NLGN4Y: variants seen among roughly 807,000 people sequenced by gnomAD.
The protein encoded by NLGN4Y is neuroligin-4, Y-linked.
NLGN4Y carries 4 observed loss-of-function variants against 8.4 expected under a neutral mutation model. The observed-to-expected ratio is 0.48, with a 90% CI of 0.23 to 1.09. NLGN4Y has a LOEUF of 1.09. Ranked by LOEUF, NLGN4Y falls within the 50% of genes least tolerant of loss-of-function variation. NLGN4Y has a pLI of 0.19. For synonymous variants in NLGN4Y, 35 were observed against 75.6 expected (o/e 0.46, Z 2.78); for missense variants, 90 against 192.3 (o/e 0.47, Z 3.15).
At chrY:14,761,423 G>A in intron 4 of NLGN4Y, among the ~76,000 whole-genome samples, 1 of 33,901 alleles carries the variant, frequency 2.9e-5, no homozygotes, top group Admixed American at 2.7e-4. Flanking sequence ...TACTGCAAGA[G>A]CAATGCACTA....
In NLGN4Y at chrY:14,586,133, C is replaced by A. The variant is rs2080339450; in HGVS notation, c.-111-35876C>A. Among the ~76,000 whole-genome samples the A allele has an allele frequency of 9.1e-5, 3 of 33,028 alleles. No homozygotes were observed. In the East Asian group the frequency reaches 2.4e-3, roughly 26 times the overall value. The allele number at this position is 33,028 out of a possible 37,273, so 88.6% of individuals were successfully genotyped here. ...GTGGGTGGAAATGATAATGTTCAAGCCTGAAGATGAAGTTTGCCTTTTCTC... is the reference window on the plus strand; with the variant it reads ...GTGGGTGGAAATGATAATGTTCAAGACTGAAGATGAAGTTTGCCTTTTCTC... On this transcript the variant is annotated intron_variant, in intron 1 of 6. Transcript: ENST00000684976.
At chrY:14,696,820 A>G (rs1046915730) in intron 2 of NLGN4Y, among the ~76,000 whole-genome samples, 2 of 32,815 alleles carry the variant, frequency 6.1e-5, no homozygotes, top group African/African-American at 2.4e-4. Flanking sequence ...GCATGTATAC[A>G]TAGGAGAAAA....
In NLGN4Y at chrY:14,664,708, T is replaced by C. The variant is rs776048353; in HGVS notation, c.472+42117T>C. ...ATCCTTTGCCTCATCTGTTAAATTA[T>C]AAACTAATGCTGATGTGTACAATTC... is the stretch of plus-strand genomic sequence containing the variant. On this transcript the variant is annotated intron_variant, in intron 2 of 6. Transcript: ENST00000684976. Among the ~76,000 whole-genome samples the C allele has an allele frequency of 1.2e-3, 41 of 34,036 alleles. No individual in the cohort carries two copies. The East Asian group carries it at 0.031, about 25-fold the overall frequency. The allele number at this position is 34,036 out of a possible 37,273, so 91.3% of individuals were successfully genotyped here. A position where few individuals can be genotyped will look rare whatever the true frequency, so the allele number is the denominator to read the frequency against.
At chrY:14,576,719 A>AC in intron 1 of NLGN4Y, among the ~76,000 whole-genome samples, 1 of 32,792 alleles carries the variant, frequency 3.0e-5, no homozygotes, top group Non-Finnish European at 7.5e-5. Flanking sequence ...TCTTGGCTCC[A>AC]CCCCCCATGA....
At chrY:14,725,965 C>T (rs978520441) in intron 4 of NLGN4Y, among the ~76,000 whole-genome samples, 4 of 33,347 alleles carry the variant, frequency 1.2e-4, no homozygotes, top group Non-Finnish European at 2.2e-4. Flanking sequence ...GTGTCTGATT[C>T]ACAGATGCTG....
chrY:14,820,794 G>A lies in NLGN4Y; in HGVS notation c.686-3394G>A. Among the ~76,000 whole-genome samples the A allele has an allele frequency of 3.6e-4, 12 of 33,349 alleles. No homozygotes were observed. In the South Asian group the frequency reaches 7.6e-3, roughly 21 times the overall value. 89.5% of individuals were successfully genotyped at this position (33,349 alleles called of 37,273 possible). On this transcript the variant is annotated intron_variant, in intron 4 of 6. Transcript: ENST00000684976. ...TAGATAGGATAGATGGGCGAGTCTCGCTTGTGCAACATAACTTTGAAAGTT... is the reference window on the plus strand; with the variant it reads ...TAGATAGGATAGATGGGCGAGTCTCACTTGTGCAACATAACTTTGAAAGTT...
intron 4 of NLGN4Y, among the ~76,000 whole-genome samples, chrY:14,804,993 A>G (rs2043051832): frequency 6.0e-5 from 2 of 33,512 alleles, no homozygotes; most frequent in African/African-American, 2.3e-4. Flanking sequence ...CTAAAAGGCC[A>G]TGGACCAGGC....
At chrY:14,706,420 CTTGT>C (rs2080877935) in intron 2 of NLGN4Y, among the ~76,000 whole-genome samples, 1 of 31,937 alleles carries the variant, frequency 3.1e-5, no homozygotes, top group Non-Finnish European at 7.6e-5. Flanking sequence ...TGTTTGTTTG[CTTGT>C]TTGTTTTGAG....
chrY:14,819,652 C>A, intron 4 of NLGN4Y, among the ~76,000 whole-genome samples: 1 of 32,910 alleles, frequency 3.0e-5, no homozygotes, highest in African/African-American at 1.2e-4. Context: ...GGAAAGGGAG[C>A]TGTATAGATG....
At chrY:14,637,860 TTG>T (rs372147890) in intron 2 of NLGN4Y, among the ~76,000 whole-genome samples, 6 of 26,525 alleles carry the variant, frequency 2.3e-4, no homozygotes, top group East Asian at 9.3e-4. Context: ...TTTTTTTTTT[TTG>T]TGTGTGTGTG....
chrY:14,656,334 A>G (rs1424750098), intron 2 of NLGN4Y, among the ~76,000 whole-genome samples: 4 of 32,347 alleles, frequency 1.2e-4, no homozygotes, highest in Admixed American at 2.9e-4. Flanking sequence ...ACGCTTCTAA[A>G]CCCAGCACTT....
intron 1 of NLGN4Y, among the ~76,000 whole-genome samples, chrY:14,547,527 G>A (rs2080177030): frequency 3.0e-5 from 1 of 33,688 alleles, no homozygotes; most frequent in Non-Finnish European, 7.3e-5. Context: ...ATAGAATTTT[G>A]TCATAAGGAC....
At chrY:14,707,091 G>GTATATA (rs1460684278) in intron 2 of NLGN4Y, among the ~76,000 whole-genome samples, 17 of 3,886 alleles carry the variant, frequency 4.4e-3, no homozygotes, top group Non-Finnish European at 6.1e-3. Context: ...AATTTTATGT[G>GTATATA]TATATATATA....
chrY:14,560,200 A>G (rs751316102), intron 1 of NLGN4Y, among the ~76,000 whole-genome samples: 5 of 33,274 alleles, frequency 1.5e-4, no homozygotes, highest in African/African-American at 5.8e-4. Context: ...CTCTTATGGA[A>G]TGTCATTGTG....
chrY:14,697,936 T>C, intron 2 of NLGN4Y, among the ~76,000 whole-genome samples: 1 of 32,963 alleles, frequency 3.0e-5, no homozygotes, highest in African/African-American at 1.2e-4. Flanking sequence ...CTCAGTGCTA[T>C]CATTTTACAG....
intron 1 of NLGN4Y, among the ~76,000 whole-genome samples, chrY:14,531,928 G>T (rs2080116523): frequency 3.1e-5 from 1 of 31,803 alleles, no homozygotes; most frequent in Non-Finnish European, 7.6e-5. Flanking sequence ...TGTTATAGGT[G>T]GTGAGTGAAC....
intron 1 of NLGN4Y, among the ~76,000 whole-genome samples, chrY:14,575,591 C>T (rs943666634): frequency 1.8e-4 from 6 of 33,711 alleles, no homozygotes; most frequent in Non-Finnish European, 2.9e-4. Context: ...CTCAATTTGT[C>T]AAAGTCATTC....
At chrY:14,546,713 C>T (rs2080173688) in intron 1 of NLGN4Y, among the ~76,000 whole-genome samples, 1 of 32,780 alleles carries the variant, frequency 3.1e-5, no homozygotes, top group East Asian at 8.0e-4. Flanking sequence ...ACAATCATGT[C>T]ATCTGCAAAC....
In NLGN4Y at chrY:14,820,055, C is replaced by T. The variant is rs373609318; in HGVS notation, c.686-4133C>T. On this transcript the variant is annotated intron_variant, in intron 4 of 6. Coordinates refer to ENST00000684976, the MANE Select transcript of NLGN4Y (RefSeq NM_001365588.1). ...CCTTTTTTCCTTGCCCAAGATCCTG[C>T]AACAGTCCCTGGACCCTGATGTTCC... 5.1e-4 allele frequency among the ~76,000 whole-genome samples: 17 copies of T among 33,135 alleles called. No individual in the cohort carries two copies. In the East Asian group the frequency reaches 0.013, roughly 25 times the overall value. 88.9% of individuals were successfully genotyped at this position (33,135 alleles called of 37,273 possible). A position where few individuals can be genotyped will look rare whatever the true frequency, so the allele number is the denominator to read the frequency against.
Sources: gnomAD v4.1 joint callset for allele counts (sites outside exome capture counted in the v4.1 genomes callset) on GRCh38, gnomAD v4.1.1 for gene constraint, MANE v1.5 for transcripts, NCBI Gene and HGNC (gene_info 2026-07-23, HGNC 2026-07-21) for gene names.